ATP6V0A4: variants seen among roughly 807,000 people sequenced by gnomAD.
The protein encoded by ATP6V0A4 is ATPase H+ transporting V0 subunit a4, also known as V-type proton ATPase 116 kDa subunit a 4.
ATP6V0A4 carries 86 observed loss-of-function variants against 107.3 expected under a neutral mutation model. The observed-to-expected ratio is 0.80, with a 90% CI of 0.67 to 0.96. The LOEUF (loss-of-function observed/expected upper bound fraction) is 0.96, where lower values mean the gene tolerates loss of function less well. Ranked by LOEUF, ATP6V0A4 falls within the 40% of genes least tolerant of loss-of-function variation. ATP6V0A4 has a pLI of 0.00. For missense variants in ATP6V0A4, 908 were observed against 1,045.6 expected (o/e 0.87, Z 1.81); for synonymous variants, 353 against 381.4 (o/e 0.93, Z 0.87).
intron 19 of ATP6V0A4, among the ~76,000 whole-genome samples, chr7:138,718,587 A>AGGC (rs1562980975): frequency 1.5e-4 from 8 of 52,434 alleles, no homozygotes; most frequent in Non-Finnish European, 2.8e-4. Context: ...CATGGGGCGG[A>AGGC]ATGGGGAGGA....
At chr7:138,751,332 G>A (rs529765418) in intron 11 of ATP6V0A4, among the ~76,000 whole-genome samples, 17 of 152,310 alleles carry the variant, frequency 1.1e-4, no homozygotes, top group African/African-American at 3.1e-4. Flanking sequence ...CCCGCATGGC[G>A]TGCGGTGTCC....
intron 17 of ATP6V0A4, among the ~76,000 whole-genome samples, chr7:138,729,935 G>A (rs1804904618): frequency 6.6e-6 from 1 of 152,170 alleles, no homozygotes; most frequent in South Asian, 2.1e-4. Context: ...CTAGGCTGGA[G>A]TGCAGTGGCG....
At chr7:138,743,735 A>C (rs1354260801) in intron 14 of ATP6V0A4, among the ~76,000 whole-genome samples, 1 of 152,178 alleles carries the variant, frequency 6.6e-6, no homozygotes, top group Non-Finnish European at 1.5e-5. Flanking sequence ...AGACAGGGAA[A>C]TCTTAAGCTG....
At chr7:138,719,204 A>G (rs1432765267) in intron 19 of ATP6V0A4, among the ~76,000 whole-genome samples, 2 of 152,148 alleles carry the variant, frequency 1.3e-5, no homozygotes, top group Non-Finnish European at 2.9e-5. Context: ...AATTATAATA[A>G]TCATAATTAA....
chr7:138,758,551 C>G (rs1806620517), intron 8 of ATP6V0A4, among the ~76,000 whole-genome samples: 1 of 152,046 alleles, frequency 6.6e-6, no homozygotes. Flanking sequence ...GGATTAAATA[C>G]AAACTGGAAG....
At chr7:138,711,382 G>A (rs1584885813) in intron 20 of ATP6V0A4, among the ~76,000 whole-genome samples, 1 of 152,174 alleles carries the variant, frequency 6.6e-6, no homozygotes, top group South Asian at 2.1e-4. Context: ...CAGAGCACGT[G>A]TGAATGCTTC....
chr7:138,751,674 T>A (rs989259652), intron 11 of ATP6V0A4, among the ~76,000 whole-genome samples: 1 of 151,884 alleles, frequency 6.6e-6, no homozygotes, highest in African/African-American at 2.4e-5. Flanking sequence ...ACAGGGAATG[T>A]CTAAGGAATG....
chr7:138,728,610 A>G, intron 18 of ATP6V0A4, 151 bp downstream of exon 18: 1 of 1,071,960 alleles, frequency 9.3e-7, no homozygotes, highest in Non-Finnish European at 1.4e-6. Context: ...CTAGCTCCAC[A>G]GAACGAAACA....
At chr7:138,791,771 C>A (rs1808422462) in intron 1 of ATP6V0A4, among the ~76,000 whole-genome samples, 1 of 152,162 alleles carries the variant, frequency 6.6e-6, no homozygotes, top group East Asian at 1.9e-4. Flanking sequence ...TCCAGACAAA[C>A]AAAGTAACAT....
rs1562980144 is a variant in ATP6V0A4, at chr7:138,718,149, AGGGGGGATGCAGTCACGGATGTCTG to A, written c.2140-2293_2140-2269del. Among the ~76,000 whole-genome samples the A allele has an allele frequency of 1.7e-3, 70 of 40,282 alleles. 1 individual carries two copies. The highest frequency in any genetic ancestry group is 3.0e-3 in the Non-Finnish European group (57 of 19,260). The allele number at this position is 40,282 out of a possible 152,430, so 26.4% of individuals were successfully genotyped here. A position where few individuals can be genotyped will look rare whatever the true frequency, so the allele number is the denominator to read the frequency against. On this transcript the variant is annotated intron_variant, in intron 19 of 21. Coordinates refer to ENST00000310018, the MANE Select transcript of ATP6V0A4 (RefSeq NM_020632.3). ...TGCAGAGGGAGACGTCCAGGAAGGA[AGGGGGGATGCAGTCACGGATGTCTG>A]TGGAGGGAGACGTCCAGGAAGGAAT...
intron 1 of ATP6V0A4, among the ~76,000 whole-genome samples, chr7:138,789,804 T>C (rs1191818117): frequency 4.6e-5 from 2 of 43,378 alleles, no homozygotes; most frequent in Non-Finnish European, 8.8e-5. Context: ...ACTCTGTCTC[T>C]ACTAAAAATA....
intron 12 of ATP6V0A4, 166 bp from the exon 13 acceptor site, chr7:138,747,730 T>C (rs1019872914): frequency 1.8e-6 from 2 of 1,096,770 alleles, no homozygotes; most frequent in South Asian, 3.3e-5. Context: ...GCCACATAAA[T>C]GAGTGCATCT....
At chr7:138,764,053 T>C (rs189456734) in intron 5 of ATP6V0A4, among the ~76,000 whole-genome samples, 2 of 150,252 alleles carry the variant, frequency 1.3e-5, no homozygotes, top group Admixed American at 6.6e-5. Context: ...ATATATGAAA[T>C]TGATGAAATA....
rs560228595 is a variant in ATP6V0A4, at chr7:138,773,661, C to A, written c.-17-2397G>T. On this transcript the variant is annotated intron_variant, in intron 2 of 21. Transcript: ENST00000310018. The surrounding 1 kb of genome is among the most constrained non-coding windows in gnomAD (Gnocchi z 5.4). The stretch of plus-strand genomic sequence containing the variant: ...TAAACATCATCCCTCAGGAAGTGCA[C>A]ATGGTCTGGGCCCACATTTGTGCCT... Among the ~76,000 whole-genome samples, 14 of 152,344 alleles carry A rather than the reference C, an allele frequency of 9.2e-5. No individual in the cohort carries two copies. Among genetic ancestry groups the A allele is most frequent in the Admixed American group, 3.9e-4 (6 of 15,302 alleles).
intron 12 of ATP6V0A4, among the ~76,000 whole-genome samples, chr7:138,748,661 C>T (rs1403561687): frequency 6.6e-6 from 1 of 152,162 alleles, no homozygotes; most frequent in African/African-American, 2.4e-5. Context: ...CCTCCTCCGC[C>T]TCCCAAAGTG....
At chr7:138,730,713 G>C (rs1804959949) in intron 17 of ATP6V0A4, among the ~76,000 whole-genome samples, 1 of 152,072 alleles carries the variant, frequency 6.6e-6, no homozygotes, top group South Asian at 2.1e-4. Context: ...AAACAGAAGA[G>C]TTATTTGGGA....
rs542075191 is a variant in ATP6V0A4 at position 138,733,169 on chromosome 7, A to G, written c.1692-76T>C. On this transcript the variant is annotated intron_variant, in intron 16 of 21. Coordinates refer to ENST00000310018, the MANE Select transcript of ATP6V0A4 (RefSeq NM_020632.3). Reference sequence around the variant, plus strand: ...TAGGACTTAATTATTCTCTCAAAGCACAAAAGCACAAAATGTTCTATCTTT... The same window carrying G: ...TAGGACTTAATTATTCTCTCAAAGCGCAAAAGCACAAAATGTTCTATCTTT... 1.1e-3 allele frequency: 1,731 copies of G among 1,591,164 alleles called. 3 individuals carry two copies. The highest frequency in any genetic ancestry group is 1.2e-3 in the Non-Finnish European group (1,438 of 1,172,362).
intron 1 of ATP6V0A4, among the ~76,000 whole-genome samples, chr7:138,791,976 G>T (rs1297444180): frequency 1.3e-5 from 2 of 152,154 alleles, no homozygotes; most frequent in Non-Finnish European, 2.9e-5. Context: ...TAAAAACTAT[G>T]TGTATAACTA....
chr7:138,741,283 C>T (rs528207343), intron 14 of ATP6V0A4, among the ~76,000 whole-genome samples: 10 of 152,282 alleles, frequency 6.6e-5, no homozygotes, highest in South Asian at 2.1e-4. Flanking sequence ...CTGAGGGAAT[C>T]GGGAAGCCTG....
Sources: gnomAD v4.1 joint callset for allele counts (sites outside exome capture counted in the v4.1 genomes callset) on GRCh38, gnomAD v4.1.1 for gene constraint, Gnocchi (gnomAD v3.1) non-coding constraint, MANE v1.5 for transcripts, NCBI Gene and HGNC (gene_info 2026-07-23, HGNC 2026-07-21) for gene names.